NHS: variants seen among roughly 807,000 people sequenced by gnomAD.
NHS encodes NHS actin remodeling regulator, also known as actin remodeling regulator NHS.
NHS carries 5 observed loss-of-function variants against 72.5 expected under a neutral mutation model. The observed-to-expected ratio is 0.07, with a 90% CI of 0.04 to 0.14. The LOEUF (loss-of-function observed/expected upper bound fraction) is 0.14. Among genes scored for constraint, NHS ranks in the 10% least tolerant of loss-of-function variants. The pLI is 1.00. For synonymous variants in NHS, 464 were observed against 547.7 expected (o/e 0.85, Z 2.13); for missense variants, 1,072 against 1,355.7 (o/e 0.79, Z 3.29).
chrX:17,478,132 T>G (rs1318675751), intron 1 of NHS, among the ~76,000 whole-genome samples: 2 of 111,842 alleles, frequency 1.8e-5, no homozygotes, highest in African/African-American at 6.5e-5. Context: ...CTTTTAACCT[T>G]AATACCATGT....
chrX:17,557,149 G>GTGTA (rs2065381382), intron 1 of NHS: 1 of 98,920 alleles, frequency 1.0e-5, no homozygotes, highest in Non-Finnish European at 2.0e-5. Flanking sequence ...GTGTGTGTGT[G>GTGTA]TGTATTCAAG....
intron 1 of NHS, among the ~76,000 whole-genome samples, chrX:17,569,778 C>T (rs1246430748): frequency 8.9e-6 from 1 of 111,954 alleles, no homozygotes; most frequent in East Asian, 2.8e-4. Context: ...CCCAGGTTTT[C>T]TTCTAGGATT....
intron 1 of NHS, among the ~76,000 whole-genome samples, chrX:17,425,726 GA>G (rs1417458846): frequency 1.8e-5 from 2 of 109,860 alleles, no homozygotes; most frequent in African/African-American, 6.6e-5. Context: ...TATCACCTTG[GA>G]AACTGGATCC....
chrX:17,448,542 A>G (rs1412422911), intron 1 of NHS, among the ~76,000 whole-genome samples: 1 of 112,203 alleles, frequency 8.9e-6, no homozygotes, highest in African/African-American at 3.2e-5. Flanking sequence ...TCCAGCTCAC[A>G]TAGTGCCATC....
chrX:17,533,432 A>C (rs773711028), intron 1 of NHS, among the ~76,000 whole-genome samples: 1 of 110,870 alleles, frequency 9.0e-6, no homozygotes, highest in South Asian at 3.8e-4. Flanking sequence ...GATTACAGGC[A>C]TGCACCACCA....
intron 1 of NHS, among the ~76,000 whole-genome samples, chrX:17,483,249 T>C (rs1355394255): frequency 1.8e-5 from 2 of 112,232 alleles, no homozygotes; most frequent in Non-Finnish European, 3.8e-5. Context: ...GTTATCAAAG[T>C]ATTTAAAAAA....
chrX:17,516,971 C>T (rs959161837), intron 1 of NHS, among the ~76,000 whole-genome samples: 1 of 112,318 alleles, frequency 8.9e-6, no homozygotes, highest in African/African-American at 3.2e-5. Context: ...TGCTTTAAAG[C>T]CTAGAAGAGC....
chrX:17,681,740 C>A (rs2147107509), intron 1 of NHS, among the ~76,000 whole-genome samples: 1 of 112,131 alleles, frequency 8.9e-6, no homozygotes, highest in East Asian at 2.8e-4. Flanking sequence ...ATTAAACAGT[C>A]TTCCTGGTAT....
At chrX:17,641,945 T>TTTG (rs780268864) in intron 1 of NHS, among the ~76,000 whole-genome samples, 88 of 110,384 alleles carry the variant, frequency 8.0e-4, no homozygotes, top group African/African-American at 2.0e-3. Context: ...GGTATATCTT[T>TTTG]TTGTTGTTGT....
intron 1 of NHS, among the ~76,000 whole-genome samples, chrX:17,600,682 G>C (rs1020925170): frequency 6.3e-5 from 7 of 111,386 alleles, no homozygotes; most frequent in Non-Finnish European, 1.3e-4. Context: ...GTATTGTCAG[G>C]CTCTATTCAT....
intron 1 of NHS, among the ~76,000 whole-genome samples, chrX:17,620,809 G>T (rs2065769613): frequency 9.0e-6 from 1 of 111,432 alleles, no homozygotes; most frequent in African/African-American, 3.3e-5. Context: ...ATGAGGGAAA[G>T]TGGCCTGTCC....
In NHS at chrX:17,732,283, G is replaced by A; in HGVS notation, c.4775G>A (p.Ser1592Asn). 8.2e-7 allele frequency: 1 copy of A among 1,212,268 alleles called. No individual in the cohort carries two copies. Among genetic ancestry groups the A allele is most frequent in the Non-Finnish European group, 1.1e-6 (1 of 895,636 alleles). The change falls in exon 9 of 9, where the codon AGC (serine) becomes AAC (asparagine). Residue 1592 changes from serine to asparagine, a missense_variant. By Grantham distance (46) the Ser-to-Asn change is conservative (BLOSUM62 1). Transcript: ENST00000676302. ...AATGCAGAAGGCTTTTCCTCGAAGA[G>A]CTTTGCCACCTCAGCATCAGCAAGG... ...RVNAEGFSSK[S>N]FATSASARVG... is the part of the protein sequence containing the mutation.
intron 3 of NHS, among the ~76,000 whole-genome samples, chrX:17,706,523 A>G (rs1318214646): frequency 9.3e-6 from 1 of 108,016 alleles, no homozygotes; most frequent in East Asian, 3.0e-4. Context: ...ACACACACAC[A>G]CAGTTGGCGC....
intron 1 of NHS, among the ~76,000 whole-genome samples, chrX:17,655,728 C>T (rs2065950951): frequency 8.9e-6 from 1 of 112,692 alleles, no homozygotes; most frequent in African/African-American, 3.2e-5. Context: ...CCAGCGTGGC[C>T]CCAGGGCTAC....
intron 3 of NHS, among the ~76,000 whole-genome samples, chrX:17,708,890 C>T (rs2066311882): frequency 9.0e-6 from 1 of 111,247 alleles, no homozygotes; most frequent in Non-Finnish European, 1.9e-5. Flanking sequence ...TGAATTTATT[C>T]CATAAGCCTA....
At chrX:17,469,214 C>T (rs955911460) in intron 1 of NHS, among the ~76,000 whole-genome samples, 1 of 112,070 alleles carries the variant, frequency 8.9e-6, no homozygotes, top group African/African-American at 3.2e-5. Flanking sequence ...ATCCAGTCTG[C>T]TCTCTATGGG....
chrX:17,382,863 G>A (rs748562988), intron 1 of NHS, among the ~76,000 whole-genome samples: 5 of 112,106 alleles, frequency 4.5e-5, no homozygotes, highest in Non-Finnish European at 9.4e-5. Context: ...CTTTTGTTTT[G>A]TACTGGCTTA....
intron 5 of NHS, among the ~76,000 whole-genome samples, chrX:17,723,819 G>T (rs1215009068): frequency 9.4e-6 from 1 of 106,242 alleles, no homozygotes; most frequent in African/African-American, 3.5e-5. Flanking sequence ...GACCATAAGA[G>T]ATGGAGGGAA....
chrX:17,653,388 T>A (rs2147086235), intron 1 of NHS, among the ~76,000 whole-genome samples: 1 of 110,729 alleles, frequency 9.0e-6, no homozygotes, highest in African/African-American at 3.3e-5. Flanking sequence ...TCTTTCTGGG[T>A]ACAAAGCCTA....
Sources: gnomAD v4.1 joint callset for allele counts (sites outside exome capture counted in the v4.1 genomes callset) on GRCh38, gnomAD v4.1.1 for gene constraint, MANE v1.5 for transcripts, NCBI Gene and HGNC (gene_info 2026-07-23, HGNC 2026-07-21) for gene names.